The following PDE10A variants were observed in gnomAD, a reference collection of about 807,000 sequenced individuals.
PDE10A encodes the protein cAMP and cAMP-inhibited cGMP 3',5'-cyclic phosphodiesterase 10A.
Under a neutral mutation model 97.7 loss-of-function variants are expected in PDE10A, and 39 were observed. The observed-to-expected ratio is 0.40, with a 90% CI of 0.31 to 0.52. PDE10A has a LOEUF of 0.52. Ranked by LOEUF, PDE10A falls within the 20% of genes least tolerant of loss-of-function variation. The probability of loss-of-function intolerance (pLI) is 0.56; values close to 1 mark genes in which losing one functional copy is unlikely to be tolerated. For missense variants in PDE10A, 731 were observed against 1,047.8 expected (o/e 0.70, Z 4.17); for synonymous variants, 371 against 376.8 (o/e 0.98, Z 0.18).
intron 1 of PDE10A, among the ~76,000 whole-genome samples, chr6:165,903,926 A>T (rs1782188271): frequency 6.6e-6 from 1 of 152,196 alleles, no homozygotes; most frequent in East Asian, 1.9e-4. Flanking sequence ...GGATTTAGCA[A>T]GAAGGAGGCC....
intron 1 of PDE10A, among the ~76,000 whole-genome samples, chr6:165,575,771 C>T (rs1057342542): frequency 6.6e-6 from 1 of 152,200 alleles, no homozygotes; most frequent in Non-Finnish European, 1.5e-5. Flanking sequence ...TTTCATTCCC[C>T]ATAACTGCAC....
chr6:165,564,002 C>T (rs974872930), intron 1 of PDE10A, among the ~76,000 whole-genome samples: 9 of 152,064 alleles, frequency 5.9e-5, no homozygotes, highest in African/African-American at 2.2e-4. Flanking sequence ...CCCTCTCCCA[C>T]TGATCATAGT....
chr6:165,755,325 C>T (rs575350041), intron 1 of PDE10A, among the ~76,000 whole-genome samples: 19 of 152,292 alleles, frequency 1.2e-4, no homozygotes, highest in Non-Finnish European at 2.5e-4. Flanking sequence ...TGTAAAATAG[C>T]ACTTGCGCGT....
intron 1 of PDE10A, among the ~76,000 whole-genome samples, chr6:165,630,426 A>G (rs1162026557): frequency 6.6e-6 from 1 of 152,224 alleles, no homozygotes; most frequent in African/African-American, 2.4e-5. Flanking sequence ...CATAACTTCA[A>G]TATAAAAGCA....
chr6:165,976,849 T>G (rs1470586845), intron 1 of PDE10A, among the ~76,000 whole-genome samples: 1 of 152,194 alleles, frequency 6.6e-6, no homozygotes, highest in Non-Finnish European at 1.5e-5. Flanking sequence ...CTCCTCGGGC[T>G]GTGCGCCATG....
chr6:165,707,341 C>A (rs1562695535), intron 1 of PDE10A, among the ~76,000 whole-genome samples: 1 of 152,212 alleles, frequency 6.6e-6, no homozygotes, highest in Admixed American at 6.5e-5. Context: ...CGGGGCCCTG[C>A]ACAGAGCAGG....
chr6:165,591,625 C>T (rs767199922), intron 1 of PDE10A, among the ~76,000 whole-genome samples: 3 of 152,206 alleles, frequency 2.0e-5, no homozygotes, highest in Non-Finnish European at 4.4e-5. Context: ...AAGTTCACCT[C>T]CTACTTGGGA....
chr6:165,526,963 C>T (rs1241546075), intron 2 of PDE10A, among the ~76,000 whole-genome samples: 1 of 152,190 alleles, frequency 6.6e-6, no homozygotes, highest in African/African-American at 2.4e-5. Flanking sequence ...TGGTCCACTA[C>T]ACTGATGACA....
chr6:165,423,316 T>C (rs1788856717), intron 10 of PDE10A, among the ~76,000 whole-genome samples: 1 of 152,216 alleles, frequency 6.6e-6, no homozygotes, highest in Admixed American at 6.5e-5. Context: ...AAATATAAAG[T>C]ACCTACAAAT....
chr6:165,482,641 C>T lies in PDE10A; in HGVS notation c.995-298G>A, dbSNP rs574342384. ...AGCTACACTGGGGTATATTCAACTA[C>T]ACATACCTAAAGTGGGGTTTATAAC... On this transcript the variant is annotated intron_variant, in intron 2 of 21. Coordinates refer to ENST00000539869, the MANE Select transcript of PDE10A (RefSeq NM_001385079.1). Among the ~76,000 whole-genome samples, 138 of 152,254 alleles carry T rather than the reference C, an allele frequency of 9.1e-4. 7 individuals carry two copies. The South Asian group carries it at 0.027, about 29-fold the overall frequency.
At chr6:165,405,075 G>A (rs1787018196) in intron 13 of PDE10A, among the ~76,000 whole-genome samples, 1 of 130,198 alleles carries the variant, frequency 7.7e-6, no homozygotes, top group Non-Finnish European at 1.7e-5. Context: ...TGAAAGCACT[G>A]GGAACAAATT....
rs757560408 is a variant in PDE10A, at chr6:165,435,255, T to G, written c.1317A>C (p.Leu439=). The G allele has an allele frequency of 6.2e-7, 1 of 1,613,910 alleles. No homozygotes were observed. The highest frequency in any genetic ancestry group is 1.3e-5 in the African/African-American group (1 of 74,936). ...CACTTACTCCAAGGATGTCTTCTAC[T>G]AGCAGTGTTTTCCTGGACTTGGCCA... is the stretch of plus-strand genomic sequence containing the variant. ...AYVAKSRKTL[L]VEDILGDERF... Residue 439 remains leucine, a synonymous_variant, in exon 6 of 22, where the codon CTA becomes CTC. Transcript: ENST00000539869.
intron 1 of PDE10A, among the ~76,000 whole-genome samples, chr6:165,987,359 T>C (rs1785254965): frequency 6.6e-6 from 1 of 152,114 alleles, no homozygotes; most frequent in African/African-American, 2.4e-5. Flanking sequence ...AACAGTCACC[T>C]CCACAAGCAC....
At position 165,943,190 on chromosome 6, in the gene PDE10A, AG is replaced by A. The variant is rs1343388603; in HGVS notation, c.-615+44338del. On this transcript the variant is annotated intron_variant, in intron 1 of 19. Transcript: ENST00000366882. ...AAAGAAAGAAAAAAGAAAGAAAGAA[AG>A]AAAGAAAGAAAGAAAGAAAGAAAGA... 4.3e-3 allele frequency among the ~76,000 whole-genome samples: 218 copies of A among 50,428 alleles called. 1 individual carries two copies. The highest frequency in any genetic ancestry group is 4.8e-3 in the Non-Finnish European group (132 of 27,778). 33.1% of individuals were successfully genotyped at this position (50,428 alleles called of 152,430 possible).
intron 2 of PDE10A, among the ~76,000 whole-genome samples, chr6:165,506,431 G>A (rs1781196417): frequency 6.6e-6 from 1 of 152,056 alleles, no homozygotes; most frequent in Non-Finnish European, 1.5e-5. Context: ...AAAGAAAAAT[G>A]TTCCCAATAG....
chr6:165,569,024 C>T (rs540437245), intron 1 of PDE10A, among the ~76,000 whole-genome samples: 60 of 152,284 alleles, frequency 3.9e-4, no homozygotes, highest in African/African-American at 1.4e-3. Context: ...AAAGTACATA[C>T]TGGATTTCAC....
intron 17 of PDE10A, among the ~76,000 whole-genome samples, chr6:165,386,082 C>G (rs1453710382): frequency 6.6e-6 from 1 of 152,178 alleles, no homozygotes; most frequent in African/African-American, 2.4e-5. Context: ...AACTTACTGC[C>G]ATGAGCTCCT....
chr6:165,875,746 T>TTTTTGTGTG (rs780504850), intron 1 of PDE10A, among the ~76,000 whole-genome samples: 3 of 147,014 alleles, frequency 2.0e-5, no homozygotes, highest in Non-Finnish European at 4.5e-5. Context: ...TTTTTTTTTT[T>TTTTTGTGTG]TGTGTGTGTG....
chr6:165,622,435 T>C (rs149130979), intron 1 of PDE10A, among the ~76,000 whole-genome samples: 327 of 152,326 alleles, frequency 2.1e-3, no homozygotes, highest in Non-Finnish European at 3.9e-3. Context: ...CTTTATGCTA[T>C]AGACTACTGC....
Sources: allele counts gnomAD v4.1 joint callset (sites outside exome capture counted in the v4.1 genomes callset), GRCh38; gene constraint gnomAD v4.1.1; transcripts MANE v1.5; gene names NCBI Gene and HGNC (gene_info 2026-07-23, HGNC 2026-07-21).